Variants in AP3S2 observed in about 807,000 individuals in gnomAD.
The protein encoded by AP3S2 is AP-3 complex subunit sigma-2.
Under a neutral mutation model 23.4 loss-of-function variants are expected in AP3S2, and 22 were observed. The ratio of observed to expected loss-of-function variants is 0.94; its 90% confidence interval spans 0.67 to 1.34. The LOEUF is 1.34. Ranked by LOEUF, AP3S2 falls within the 40% of genes most tolerant of loss-of-function variation. The pLI is 0.00. For synonymous variants in AP3S2, 86 were observed against 87.1 expected, an observed-to-expected ratio of 0.99 and a Z score of 0.07; for missense variants, 241 against 236.9, an observed-to-expected ratio of 1.02 and a Z score of -0.11.
intron 4 of AP3S2, among the ~76,000 whole-genome samples, chr15:89,856,472 G>A (rs1895839668): frequency 6.6e-6 from 1 of 151,806 alleles, no homozygotes; most frequent in Non-Finnish European, 1.5e-5. Flanking sequence ...AGGCCGAGGT[G>A]GACAGAGCAT....
intron 4 of AP3S2, among the ~76,000 whole-genome samples, chr15:89,855,151 C>T (rs1203891473): frequency 8.6e-6 from 1 of 116,460 alleles, no homozygotes; most frequent in Non-Finnish European, 1.8e-5. Flanking sequence ...AAGAAGTAGA[C>T]ATGGGAGACT....
intron 4 of AP3S2, among the ~76,000 whole-genome samples, chr15:89,849,195 AAAC>A (rs1429410526): frequency 6.6e-6 from 1 of 152,234 alleles, no homozygotes; most frequent in Non-Finnish European, 1.5e-5. Flanking sequence ...TAGGGAGACA[AAAC>A]AATATGCATG....
At position 89,851,094 on chromosome 15, in the gene AP3S2, A is replaced by C. The variant is rs181422247; in HGVS notation, c.346-13372T>G. Among the ~76,000 whole-genome samples the C allele has an allele frequency of 2.6e-5, 4 of 152,348 alleles. No homozygotes were observed. The East Asian group carries it at 7.7e-4, about 29-fold the overall frequency. ...GTTAAGAGCTGGAAGAAGGAAATGA[A>C]GATAAGATGTGGACCCTGTCCTTAA... On this transcript the variant is annotated intron_variant, in intron 4 of 5. Transcript: ENST00000336418.
chr15:89,852,788 A>G (rs1168055547), intron 4 of AP3S2: 2 of 152,312 alleles, frequency 1.3e-5, no homozygotes, highest in Non-Finnish European at 2.9e-5. Context: ...ATCACTGCCC[A>G]TGGAACAGCC....
intron 4 of AP3S2, among the ~76,000 whole-genome samples, chr15:89,866,611 G>A (rs1429646311): frequency 6.6e-6 from 1 of 151,480 alleles, no homozygotes; most frequent in Admixed American, 6.6e-5. Flanking sequence ...TCAGCCTCCT[G>A]AGTAGCTGGA....
intron 4 of AP3S2, among the ~76,000 whole-genome samples, chr15:89,869,832 C>A (rs1896277640): frequency 6.6e-6 from 1 of 151,962 alleles, no homozygotes; most frequent in Non-Finnish European, 1.5e-5. Flanking sequence ...CGGCTCACTG[C>A]AACCTCCGCC....
At chr15:89,849,779 T>C (rs1429301137) in intron 4 of AP3S2, among the ~76,000 whole-genome samples, 1 of 152,158 alleles carries the variant, frequency 6.6e-6, no homozygotes, top group Non-Finnish European at 1.5e-5. Flanking sequence ...GTTGCACCCA[T>C]CAACTGGTCA....
chr15:89,843,843 C>T lies in AP3S2; in HGVS notation c.346-6121G>A, dbSNP rs555389269. Among the ~76,000 whole-genome samples the T allele has an allele frequency of 4.6e-5, 7 of 152,162 alleles. No individual in the cohort carries two copies. The East Asian group carries it at 7.7e-4, about 17-fold the overall frequency. On this transcript the variant is annotated intron_variant, in intron 4 of 5. Transcript: ENST00000336418. ...AACAAAAACAAAAACAAAAAAACTA[C>T]GGCAAAAACTTACGGTGAGCACTGA...
chr15:89,875,040 AT>A (rs1896409781), intron 3 of AP3S2, among the ~76,000 whole-genome samples: 1 of 152,254 alleles, frequency 6.6e-6, no homozygotes. Flanking sequence ...ATGTAAAAAA[AT>A]AAATTAAAAA....
rs1274522324 is a variant in AP3S2 at position 89,837,532 on chromosome 15, C to G, written c.453+83G>C. 4 of 1,525,838 alleles carry G rather than the reference C, an allele frequency of 2.6e-6. No individual in the cohort carries two copies. The African/African-American group carries it at 5.5e-5, about 21-fold the overall frequency. 94.5% of individuals were successfully genotyped at this position (1,525,838 alleles called of 1,614,324 possible). A position where few individuals can be genotyped will look rare whatever the true frequency, so the allele number is the denominator to read the frequency against. On this transcript the variant is annotated intron_variant, in intron 5 of 5. Coordinates refer to ENST00000336418, the MANE Select transcript of AP3S2 (RefSeq NM_005829.5). ...ATCATTTCCCGAGGTTTCACAGCAA[C>G]ACAAACCAACACATGTACACACTCC...
chr15:89,835,566 G>A lies in AP3S2; in HGVS notation c.531C>T (p.Ile177=), dbSNP rs764344985. The change falls in exon 6 of 6, where the codon ATC becomes ATT. Residue 177 remains isoleucine (I), a synonymous_variant. Coordinates refer to ENST00000336418, the MANE Select transcript of AP3S2 (RefSeq NM_005829.5). ...CTTTGATGTTGAGATCGCCAATGTT[G>A]ATGTTCCGAGGAATCTCTGGCAGGT... is the stretch of plus-strand genomic sequence containing the variant. ...NINLPEIPRN[I]NIGDLNIKVP... 6.2e-7 allele frequency: 1 copy of A among 1,614,060 alleles called. No individual in the cohort carries two copies. Among genetic ancestry groups the A allele is most frequent in the Non-Finnish European group, 8.5e-7 (1 of 1,180,030 alleles).
chr15:89,891,643 G>C (rs1896823350), intron 1 of AP3S2, among the ~76,000 whole-genome samples: 1 of 149,748 alleles, frequency 6.7e-6, no homozygotes, highest in African/African-American at 2.5e-5. Context: ...GATAGAGTGA[G>C]ATTCAGTCTC....
chr15:89,858,481 A>AGAG (rs1895901563), intron 4 of AP3S2, among the ~76,000 whole-genome samples: 1 of 36,326 alleles, frequency 2.8e-5, no homozygotes, highest in South Asian at 8.6e-4. Context: ...GAAAGAAAGA[A>AGAG]AGAAAGAAAG....
chr15:89,878,287 A>C (rs923482858), intron 3 of AP3S2: 2 of 667,002 alleles, frequency 3.0e-6, no homozygotes, highest in African/African-American at 3.7e-5. Context: ...GAAGAAAACA[A>C]CTTCCAGATG....
At chr15:89,879,125 T>C (rs749326333) in intron 3 of AP3S2, among the ~76,000 whole-genome samples, 7 of 152,264 alleles carry the variant, frequency 4.6e-5, no homozygotes, top group South Asian at 2.1e-4. Context: ...GCGATCCTCC[T>C]GCTTTGGCCT....
intron 4 of AP3S2, among the ~76,000 whole-genome samples, chr15:89,855,586 C>G (rs1596198151): frequency 7.0e-6 from 1 of 143,798 alleles, no homozygotes; most frequent in South Asian, 2.3e-4. Flanking sequence ...TGGTGGCTCA[C>G]GACTGTAATC....
intron 3 of AP3S2, chr15:89,884,149 T>C (rs1422259000): frequency 6.5e-6 from 1 of 153,588 alleles, no homozygotes; most frequent in African/African-American, 2.4e-5. Flanking sequence ...ATGTGTACTT[T>C]TAATCAAAAA....
At chr15:89,878,579 G>A (rs921525422) in intron 3 of AP3S2, among the ~76,000 whole-genome samples, 1 of 152,004 alleles carries the variant, frequency 6.6e-6, no homozygotes, top group Admixed American at 6.6e-5. Context: ...TCTTATTTTT[G>A]AGACAAGGTC....
At chr15:89,890,354 T>G (rs1342802917) in intron 1 of AP3S2, among the ~76,000 whole-genome samples, 6 of 152,188 alleles carry the variant, frequency 3.9e-5, no homozygotes, top group Non-Finnish European at 8.8e-5. Context: ...CTGGCCTTAT[T>G]TTTTCACTTA....
Sources: gnomAD v4.1 joint callset for allele counts (sites outside exome capture counted in the v4.1 genomes callset) on GRCh38, gnomAD v4.1.1 for gene constraint, MANE v1.5 for transcripts, NCBI Gene and HGNC (gene_info 2026-07-23, HGNC 2026-07-21) for gene names.